The following EFCAB6 variants were observed in gnomAD, a reference collection of about 807,000 sequenced individuals.
EFCAB6 encodes the protein EF-hand calcium-binding domain-containing protein 6.
In EFCAB6, 156 loss-of-function variants were observed where a neutral mutation model predicts 169.8. The observed-to-expected ratio is 0.92, with a 90% CI of 0.81 to 1.05. The LOEUF (loss-of-function observed/expected upper bound fraction) is 1.05, where lower values mean the gene tolerates loss of function less well. EFCAB6 is among the 50% of genes least tolerant of loss of function. EFCAB6 has a pLI of 0.00. For missense variants in EFCAB6, 1,800 were observed against 1,829.1 expected, an observed-to-expected ratio of 0.98 and a Z score of 0.29; for synonymous variants, 698 against 676.4, an observed-to-expected ratio of 1.03 and a Z score of -0.50.
intron 17 of EFCAB6, among the ~76,000 whole-genome samples, chr22:43,646,082 G>T (rs957032193): frequency 7.9e-5 from 12 of 152,222 alleles, no homozygotes; most frequent in Non-Finnish European, 1.5e-4. Flanking sequence ...GCAGATAAAA[G>T]CAGACAAGTC....
chr22:43,703,567 A>T (rs1202066084), intron 10 of EFCAB6, among the ~76,000 whole-genome samples: 2 of 150,882 alleles, frequency 1.3e-5, no homozygotes, highest in Non-Finnish European at 3.0e-5. Flanking sequence ...CTTAAAATTC[A>T]GTGAGCTACA....
Position 43,717,844 on chromosome 22 carries a change from C to G in EFCAB6, c.758-872G>C, listed in dbSNP as rs2059387792. On this transcript the variant is annotated intron_variant, in intron 8 of 31. Coordinates refer to ENST00000262726, the MANE Select transcript of EFCAB6 (RefSeq NM_022785.4). ...TATGAGAGGAAAAAAATGAAACAAT[C>G]TAAATGCCCATTCATAGAAGATGAA... 2.0e-5 allele frequency among the ~76,000 whole-genome samples: 3 copies of G among 152,118 alleles called. No homozygotes were observed. In the South Asian group the frequency reaches 6.2e-4, roughly 32 times the overall value.
intron 6 of EFCAB6, among the ~76,000 whole-genome samples, chr22:43,742,054 T>A (rs975854135): frequency 6.6e-6 from 1 of 152,116 alleles, no homozygotes; most frequent in African/African-American, 2.4e-5. Context: ...CAAACCAGCA[T>A]GCTTCTCAGA....
intron 31 of EFCAB6, among the ~76,000 whole-genome samples, chr22:43,530,375 C>G (rs550382100): frequency 6.6e-6 from 1 of 152,178 alleles, no homozygotes; most frequent in Non-Finnish European, 1.5e-5. Flanking sequence ...GGCAGATGCC[C>G]AATGGTGGAG....
chr22:43,654,756 A>G (rs2056652751), intron 17 of EFCAB6, among the ~76,000 whole-genome samples: 1 of 152,232 alleles, frequency 6.6e-6, no homozygotes, highest in African/African-American at 2.4e-5. Flanking sequence ...TGAAGAGGTA[A>G]GGAAACGTGA....
chr22:43,578,150 T>C (rs1022892581), intron 25 of EFCAB6, among the ~76,000 whole-genome samples: 1 of 152,208 alleles, frequency 6.6e-6, no homozygotes, highest in Non-Finnish European at 1.5e-5. Context: ...GGTTCTGGGC[T>C]CTGCTCCATA....
At chr22:43,688,736 C>T (rs1257457128) in intron 10 of EFCAB6, among the ~76,000 whole-genome samples, 1 of 152,260 alleles carries the variant, frequency 6.6e-6, no homozygotes, top group Non-Finnish European at 1.5e-5. Context: ...CTATCACATA[C>T]ACTGACCTGT....
chr22:43,732,455 T>C (rs912247624), intron 7 of EFCAB6, among the ~76,000 whole-genome samples: 1 of 146,442 alleles, frequency 6.8e-6, no homozygotes, highest in African/African-American at 2.5e-5. Context: ...TCCTGAAACA[T>C]ACTGAAATAC....
intron 5 of EFCAB6, among the ~76,000 whole-genome samples, chr22:43,757,723 T>C (rs919626016): frequency 3.3e-5 from 5 of 152,174 alleles, no homozygotes; most frequent in Non-Finnish European, 4.4e-5. Flanking sequence ...CAGGTCTGCA[T>C]TGCAGTTCAG....
intron 26 of EFCAB6, among the ~76,000 whole-genome samples, chr22:43,565,807 A>G (rs1185310451): frequency 6.6e-6 from 1 of 152,164 alleles, no homozygotes. Context: ...CTCAGCAGGT[A>G]GCAAAAACTC....
intron 26 of EFCAB6, among the ~76,000 whole-genome samples, chr22:43,568,605 T>G (rs1232185392): frequency 6.6e-6 from 1 of 151,556 alleles, no homozygotes; most frequent in East Asian, 2.0e-4. Flanking sequence ...GAGGCGGGAG[T>G]GCTCTGAGGA....
chr22:43,530,709 C>A, intron 31 of EFCAB6, 106 bp downstream of exon 31: 1 of 1,557,912 alleles, frequency 6.4e-7, no homozygotes, highest in Non-Finnish European at 8.7e-7. Flanking sequence ...AGCCAGGTCA[C>A]ACCGGGCCTT....
intron 8 of EFCAB6, 39 bp downstream of exon 8, chr22:43,731,659 GA>G (rs749501411): frequency 1.6e-6 from 2 of 1,258,812 alleles, no homozygotes; most frequent in Non-Finnish European, 2.2e-6. Flanking sequence ...CATGCCAAAA[GA>G]TATTGAAATC....
intron 10 of EFCAB6, among the ~76,000 whole-genome samples, chr22:43,704,320 G>T (rs1210518134): frequency 6.6e-6 from 1 of 151,986 alleles, no homozygotes. Context: ...ACATACAAAA[G>T]CTAAGAGAAT....
intron 10 of EFCAB6, among the ~76,000 whole-genome samples, chr22:43,696,256 A>C (rs754792351): frequency 3.6e-4 from 52 of 146,024 alleles, no homozygotes; most frequent in Non-Finnish European, 6.9e-4. Context: ...AGACTGAGAT[A>C]CCTCTACACA....
intron 2 of EFCAB6, among the ~76,000 whole-genome samples, chr22:43,797,776 T>C (rs1343347191): frequency 6.6e-6 from 1 of 152,194 alleles, no homozygotes; most frequent in Non-Finnish European, 1.5e-5. Flanking sequence ...CCTTGGTGTC[T>C]TTGTGGCTGC....
intron 5 of EFCAB6, among the ~76,000 whole-genome samples, chr22:43,756,950 A>ATT (rs2060977669): frequency 1.3e-5 from 2 of 152,158 alleles, no homozygotes; most frequent in African/African-American, 4.8e-5. Context: ...GGGAGACCAG[A>ATT]GCTGGATGGG....
At chr22:43,788,126 T>C (rs1222362606) in intron 2 of EFCAB6, among the ~76,000 whole-genome samples, 2 of 152,102 alleles carry the variant, frequency 1.3e-5, no homozygotes, top group Admixed American at 1.3e-4. Context: ...ACTACAGAAT[T>C]CCTAGAAGAA....
chr22:43,561,856 C>T (rs916986113), intron 26 of EFCAB6, among the ~76,000 whole-genome samples: 8 of 152,166 alleles, frequency 5.3e-5, no homozygotes, highest in Non-Finnish European at 2.9e-5. Flanking sequence ...TCTTCAGATG[C>T]AAATGACACG....
Sources: allele counts gnomAD v4.1 joint callset (sites outside exome capture counted in the v4.1 genomes callset), GRCh38; gene constraint gnomAD v4.1.1; transcripts MANE v1.5; gene names NCBI Gene and HGNC (gene_info 2026-07-23, HGNC 2026-07-21).